The following COL5A2 variants were observed in gnomAD, a reference collection of about 807,000 sequenced individuals.
COL5A2 encodes the protein collagen alpha-2(V) chain.
COL5A2 carries 23 observed loss-of-function variants against 208.2 expected under a neutral mutation model. The observed-to-expected ratio is 0.11, with a 90% CI of 0.08 to 0.16. The LOEUF (loss-of-function observed/expected upper bound fraction) is 0.16, where lower values mean the gene tolerates loss of function less well. Among genes scored for constraint, COL5A2 ranks in the 10% least tolerant of loss-of-function variants. The pLI is 1.00. For missense variants in COL5A2, 1,590 were observed against 1,956.4 expected (o/e 0.81, Z 3.53); for synonymous variants, 625 against 628.5 (o/e 0.99, Z 0.08).
At chr2:189,310,751 G>C in the COL5A2 span, among the ~76,000 whole-genome samples, 1 of 147,320 alleles carries the variant, frequency 6.8e-6, no homozygotes, top group Non-Finnish European at 1.5e-5. Flanking sequence ...AAAAAAAAAA[G>C]AATGAGATCT....
At chr2:189,085,071 A>C in intron 11 of COL5A2, 89 bp downstream of exon 11, 1 of 1,042,688 alleles carries the variant, frequency 9.6e-7, no homozygotes, top group Non-Finnish European at 1.5e-6. Flanking sequence ...GGGGAAATGT[A>C]ATGGAAATTA....
In COL5A2 at chr2:189,065,023, T is replaced by A; in HGVS notation, c.1598A>T (p.Asp533Val). The change falls in exon 24 of 54, where the codon GAT becomes GTT. Residue 533 changes from aspartate (D) to valine (V), a missense_variant. Transcript: ENST00000374866. ...APGNRGFPGS[D>V]GLPGPKGAQG... is the part of the protein sequence containing the mutation. ...CCTCACCTTTGGCCCAGGTAAACCA[T>A]CAGAGCCTGGAAAACCACGATTGCC... The A allele has an allele frequency of 6.2e-7, 1 of 1,613,774 alleles. No homozygotes were observed. The highest frequency in any genetic ancestry group is 1.1e-5 in the South Asian group (1 of 91,026).
chr2:189,063,136 T>C (rs2105590641), intron 27 of COL5A2, 36 bp downstream of exon 27: 1 of 1,610,692 alleles, frequency 6.2e-7, no homozygotes, highest in Non-Finnish European at 8.5e-7. Context: ...ATGAGGATCA[T>C]GATGAGGTGG....
chr2:189,285,514 G>A, the COL5A2 span, among the ~76,000 whole-genome samples: 1 of 152,038 alleles, frequency 6.6e-6, no homozygotes, highest in East Asian at 1.9e-4. Context: ...GATGAGCAAG[G>A]CAAGAAATGT....
chr2:189,060,914 C>A, intron 30 of COL5A2, 131 bp from the exon 31 acceptor site: 1 of 676,140 alleles, frequency 1.5e-6, no homozygotes, highest in Non-Finnish European at 2.6e-6. Context: ...ATTGTTCAGA[C>A]ATTTTAAGTA....
chr2:189,170,037 C>A (rs1178714051), intron 1 of COL5A2, among the ~76,000 whole-genome samples: 2 of 152,128 alleles, frequency 1.3e-5, no homozygotes, highest in African/African-American at 4.8e-5. Context: ...AAATAGTAAT[C>A]TAATAATAAT....
At chr2:189,240,795 T>A in the COL5A2 span, among the ~76,000 whole-genome samples, 1 of 152,290 alleles carries the variant, frequency 6.6e-6, no homozygotes, top group Non-Finnish European at 1.5e-5. Context: ...GAGGAATAAA[T>A]CTTACTTTAT....
chr2:189,319,934 T>C, the COL5A2 span, among the ~76,000 whole-genome samples: 151,441 of 152,300 alleles, frequency 0.99, 75,298 homozygotes, highest in Middle Eastern at 1. Context: ...CAGACTGACA[T>C]CTCACATGGC....
the COL5A2 span, among the ~76,000 whole-genome samples, chr2:189,421,923 A>T: frequency 6.6e-6 from 1 of 152,148 alleles, no homozygotes; most frequent in African/African-American, 2.4e-5. Flanking sequence ...TGCCAGCCAT[A>T]GCAGTCCAAG....
chr2:189,189,272 G>A (rs1688894334), intron 1 of COL5A2, among the ~76,000 whole-genome samples: 1 of 152,272 alleles, frequency 6.6e-6, no homozygotes, highest in East Asian at 1.9e-4. Flanking sequence ...TCAAATGGGA[G>A]ACGGCCAGCA....
the COL5A2 span, among the ~76,000 whole-genome samples, chr2:189,345,294 A>G: frequency 6.6e-6 from 1 of 152,198 alleles, no homozygotes; most frequent in Non-Finnish European, 1.5e-5. Flanking sequence ...GTCAAGCAAG[A>G]TATATGTGGA....
chr2:189,185,915 T>C (rs1688845874), intron 1 of COL5A2, among the ~76,000 whole-genome samples: 1 of 152,116 alleles, frequency 6.6e-6, no homozygotes. Context: ...GAAAGAAATA[T>C]CTAAGCAAGG....
At chr2:189,334,653 CT>C in the COL5A2 span, among the ~76,000 whole-genome samples, 1 of 152,014 alleles carries the variant, frequency 6.6e-6, no homozygotes, top group African/African-American at 2.4e-5. Context: ...GATCTCCTTT[CT>C]CCCCAAATTG....
At chr2:189,180,479 A>G (rs1559139303), upstream of COL5A2, among the ~76,000 whole-genome samples, 1 of 152,180 alleles carries the variant, frequency 6.6e-6, no homozygotes, top group Non-Finnish European at 1.5e-5. Context: ...TCTACTAAGC[A>G]GTGCAGAGGA....
the COL5A2 span, among the ~76,000 whole-genome samples, chr2:189,271,405 G>A: frequency 1.3e-5 from 2 of 152,046 alleles, no homozygotes; most frequent in East Asian, 1.9e-4. Context: ...CAAGCAATGG[G>A]GAAAGGATTC....
At chr2:189,152,288 A>G (rs1688159804) in intron 1 of COL5A2, among the ~76,000 whole-genome samples, 1 of 152,228 alleles carries the variant, frequency 6.6e-6, no homozygotes, top group African/African-American at 2.4e-5. Context: ...TCTAACTTCA[A>G]GTACAATAAT....
In COL5A2 at chr2:189,033,006, T is replaced by C. The variant is rs1685367872; in HGVS notation, c.*1064A>G. ...AGAATAGTAAGTCCATCCCAGCTTC[T>C]AGAGATGAGGTAGCTCATGCTAAGA... On this transcript the variant is annotated 3_prime_UTR_variant, in exon 54 of 54. Coordinates refer to ENST00000374866, the MANE Select transcript of COL5A2 (RefSeq NM_000393.5). 6.6e-6 allele frequency: 1 copy of C among 152,632 alleles called. No homozygotes were observed. Among genetic ancestry groups the C allele is most frequent in the Admixed American group, 6.5e-5 (1 of 15,278 alleles). The allele number at this position is 152,632 out of a possible 1,614,324, so 9.5% of individuals were successfully genotyped here.
At chr2:189,062,276 C>T (rs564455640) in intron 29 of COL5A2, among the ~76,000 whole-genome samples, 7 of 151,792 alleles carry the variant, frequency 4.6e-5, no homozygotes, top group South Asian at 4.1e-4. Flanking sequence ...CTCCGCCTCC[C>T]GGGTTCAAGT....
At chr2:189,205,986 C>G (rs911022039) in intron 1 of COL5A2, among the ~76,000 whole-genome samples, 9 of 152,160 alleles carry the variant, frequency 5.9e-5, no homozygotes, top group Non-Finnish European at 1.3e-4. Flanking sequence ...ATTTAACAAA[C>G]TGCTGTTACC....
Sources: allele counts gnomAD v4.1 joint callset (sites outside exome capture counted in the v4.1 genomes callset), GRCh38; gene constraint gnomAD v4.1.1; transcripts MANE v1.5; gene names NCBI Gene and HGNC (gene_info 2026-07-23, HGNC 2026-07-21).